TENM4: variants seen among roughly 807,000 people sequenced by gnomAD.
The protein encoded by TENM4 is teneurin transmembrane protein 4, also known as teneurin-4.
In TENM4, 82 loss-of-function variants were observed where a neutral mutation model predicts 243.3. The observed-to-expected ratio is 0.34, with a 90% CI of 0.28 to 0.40. TENM4 has a LOEUF of 0.40. Among genes scored for constraint, TENM4 ranks in the 10% least tolerant of loss-of-function variants. The pLI is 1.00. For missense variants in TENM4, 3,138 were observed against 3,673.3 expected, an observed-to-expected ratio of 0.85 and a Z score of 3.77; for synonymous variants, 1,412 against 1,456.3, an observed-to-expected ratio of 0.97 and a Z score of 0.69.
At chr11:79,261,641 G>C (rs1448308851) in intron 2 of TENM4, among the ~76,000 whole-genome samples, 1 of 151,396 alleles carries the variant, frequency 6.6e-6, no homozygotes, top group Non-Finnish European at 1.5e-5. Context: ...TACAGAGAGA[G>C]AGAGCTGTGG....
chr11:78,773,857 G>C (rs1407166918), intron 17 of TENM4, among the ~76,000 whole-genome samples: 2 of 152,160 alleles, frequency 1.3e-5, no homozygotes, highest in African/African-American at 4.8e-5. Context: ...ACTGTGCTAG[G>C]CACTTTATAT....
At chr11:79,293,508 TAA>T (rs1328098270) in intron 2 of TENM4, among the ~76,000 whole-genome samples, 2 of 108,916 alleles carry the variant, frequency 1.8e-5, no homozygotes. Context: ...CACTGTCCCT[TAA>T]AAAAAAAAAA....
At chr11:79,000,331 A>T (rs1858284031) in intron 6 of TENM4, among the ~76,000 whole-genome samples, 1 of 152,172 alleles carries the variant, frequency 6.6e-6, no homozygotes, top group East Asian at 1.9e-4. Context: ...TGGAAAATAC[A>T]CACATTAATA....
rs139622892 is a variant in TENM4, at chr11:78,884,481, T to A, written c.1084+5304A>T. ...AGCCCAGGGCTATTATATAGCATAG[T>A]TGGCTGAAAGCATGGCCTTTGAAAT... On this transcript the variant is annotated intron_variant, in intron 9 of 33. Coordinates refer to ENST00000278550, the MANE Select transcript of TENM4 (RefSeq NM_001098816.3). Among the ~76,000 whole-genome samples, 30 of 152,292 alleles carry A rather than the reference T, an allele frequency of 2.0e-4. No individual in the cohort carries two copies. The East Asian group carries it at 5.0e-3, about 25-fold the overall frequency.
At chr11:78,736,479 T>TGTGTGTGTGTGTGCGC (rs796898751) in intron 20 of TENM4, among the ~76,000 whole-genome samples, 1 of 99,334 alleles carries the variant, frequency 1.0e-5, no homozygotes, top group African/African-American at 3.0e-5. Flanking sequence ...TGTGTGTGTG[T>TGTGTGTGTGTGTGCGC]GCGCGCGCGT....
At chr11:79,376,580 G>GCTCC (rs1857895552) in intron 1 of TENM4, among the ~76,000 whole-genome samples, 1 of 152,160 alleles carries the variant, frequency 6.6e-6, no homozygotes, top group Admixed American at 6.5e-5. Context: ...CTATCTATGA[G>GCTCC]CTCCCGAGGG....
chr11:78,841,295 T>C (rs573203088), intron 12 of TENM4, among the ~76,000 whole-genome samples: 1 of 152,350 alleles, frequency 6.6e-6, no homozygotes, highest in Non-Finnish European at 1.5e-5. Flanking sequence ...AAATCCATTC[T>C]CTAACCACTA....
At chr11:79,138,489 A>G (rs1292226462) in intron 4 of TENM4, among the ~76,000 whole-genome samples, 1 of 119,150 alleles carries the variant, frequency 8.4e-6, no homozygotes, top group African/African-American at 3.4e-5. Context: ...AATAATATAT[A>G]TTTATACATA....
chr11:78,726,613 G>A (rs1281716961), intron 22 of TENM4, among the ~76,000 whole-genome samples: 1 of 152,136 alleles, frequency 6.6e-6, no homozygotes, highest in Non-Finnish European at 1.5e-5. Flanking sequence ...GGATCATGGG[G>A]TGGATTCTCA....
intron 6 of TENM4, among the ~76,000 whole-genome samples, chr11:78,974,441 G>T (rs1327550530): frequency 6.6e-6 from 1 of 152,088 alleles, no homozygotes; most frequent in Non-Finnish European, 1.5e-5. Context: ...ACTTTTAAGG[G>T]GCCAAGTGGG....
intron 12 of TENM4, among the ~76,000 whole-genome samples, chr11:78,818,749 G>A (rs143093402): frequency 1.3e-5 from 2 of 152,188 alleles, no homozygotes; most frequent in Admixed American, 1.3e-4. Context: ...TTAGTGTTTG[G>A]TGAATTTCTT....
chr11:79,332,758 G>A (rs780205884), intron 1 of TENM4, among the ~76,000 whole-genome samples: 15 of 152,144 alleles, frequency 9.9e-5, no homozygotes, highest in Non-Finnish European at 5.9e-5. Flanking sequence ...TAAGGACCTT[G>A]AATATACAGT....
intron 2 of TENM4, among the ~76,000 whole-genome samples, chr11:79,254,300 A>G (rs1020569437): frequency 6.6e-6 from 1 of 152,252 alleles, no homozygotes; most frequent in Non-Finnish European, 1.5e-5. Context: ...GGCACATTCA[A>G]CAATGGAAAA....
intron 1 of TENM4, among the ~76,000 whole-genome samples, chr11:79,340,731 T>C (rs1032463422): frequency 1.3e-5 from 2 of 152,146 alleles, no homozygotes; most frequent in Non-Finnish European, 2.9e-5. Context: ...TGCACATCCA[T>C]CTGGCAAACT....
chr11:79,055,524 G>A (rs1158221038), intron 6 of TENM4, among the ~76,000 whole-genome samples: 1 of 152,222 alleles, frequency 6.6e-6, no homozygotes, highest in African/African-American at 2.4e-5. Flanking sequence ...TTATGGGCGT[G>A]AGCCACTGTG....
chr11:79,192,814 T>C (rs1863544914), intron 3 of TENM4, among the ~76,000 whole-genome samples: 1 of 152,138 alleles, frequency 6.6e-6, no homozygotes, highest in Non-Finnish European at 1.5e-5. Flanking sequence ...TTGAGCATAT[T>C]AGAAAAAGTT....
At chr11:79,343,469 CA>C (rs534071432) in intron 1 of TENM4, among the ~76,000 whole-genome samples, 1 of 151,254 alleles carries the variant, frequency 6.6e-6, no homozygotes. Flanking sequence ...ATGGGTATGA[CA>C]AAAAAAATCC....
Position 78,832,361 on chromosome 11 carries a change from G to A in TENM4, c.1682-17966C>T, listed in dbSNP as rs1858004302. On this transcript the variant is annotated intron_variant, in intron 12 of 33. Transcript: ENST00000278550. ...TCAACGTTAAGTCTTCTCAGGCTGT[G>A]AGAAGCTCTTAGAGGACAGGGACCT... is the stretch of plus-strand genomic sequence containing the variant. Among the ~76,000 whole-genome samples, 3 of 152,238 alleles carry A rather than the reference G, an allele frequency of 2.0e-5. No individual in the cohort carries two copies. The South Asian group carries it at 6.2e-4, about 32-fold the overall frequency.
intron 6 of TENM4, among the ~76,000 whole-genome samples, chr11:78,984,341 G>A (rs950695981): frequency 6.6e-6 from 1 of 152,144 alleles, no homozygotes; most frequent in Non-Finnish European, 1.5e-5. Flanking sequence ...TCTCTGAAGG[G>A]CTAGATACCC....
Sources: gnomAD v4.1 joint callset for allele counts (sites outside exome capture counted in the v4.1 genomes callset) on GRCh38, gnomAD v4.1.1 for gene constraint, MANE v1.5 for transcripts, NCBI Gene and HGNC (gene_info 2026-07-23, HGNC 2026-07-21) for gene names.